DPP10: variants seen among roughly 807,000 people sequenced by gnomAD.
DPP10 encodes the protein dipeptidyl peptidase like 10.
DPP10 carries 33 observed loss-of-function variants against 120.9 expected under a neutral mutation model. The observed-to-expected ratio is 0.27, with a 90% CI of 0.21 to 0.37. The LOEUF is 0.37. Ranked by LOEUF, DPP10 falls within the 10% of genes least tolerant of loss-of-function variation. DPP10 has a pLI of 1.00. For missense variants in DPP10, 816 were observed against 942.8 expected, an observed-to-expected ratio of 0.87 and a Z score of 1.76; for synonymous variants, 337 against 326.1, an observed-to-expected ratio of 1.03 and a Z score of -0.36.
chr2:114,490,821 G>C (rs1203835453), intron 1 of DPP10, among the ~76,000 whole-genome samples: 3 of 152,132 alleles, frequency 2.0e-5, no homozygotes, highest in Non-Finnish European at 4.4e-5. Context: ...GAAAACTTGT[G>C]TGAGAAGGTG....
intron 7 of DPP10, among the ~76,000 whole-genome samples, chr2:115,726,793 C>G (rs762789345): frequency 2.0e-5 from 3 of 152,094 alleles, no homozygotes; most frequent in Non-Finnish European, 2.9e-5. Flanking sequence ...CCTAGGGCCT[C>G]GTAAGTATTC....
intron 1 of DPP10, among the ~76,000 whole-genome samples, chr2:115,113,940 G>T (rs185149581): frequency 1.3e-3 from 203 of 152,260 alleles, no homozygotes; most frequent in Non-Finnish European, 2.6e-3. Context: ...GAGTCTAGAA[G>T]CTGGGGGAAA....
At chr2:115,661,825 T>A (rs1575465869) in intron 5 of DPP10, among the ~76,000 whole-genome samples, 1 of 152,268 alleles carries the variant, frequency 6.6e-6, no homozygotes, top group Non-Finnish European at 1.5e-5. Context: ...CAATTAAGCT[T>A]ATTAACTTCT....
chr2:115,116,897 C>G (rs2049539293), intron 1 of DPP10, among the ~76,000 whole-genome samples: 1 of 152,150 alleles, frequency 6.6e-6, no homozygotes, highest in Non-Finnish European at 1.5e-5. Context: ...CCTTCATCTT[C>G]CATAAATTTT....
intron 5 of DPP10, among the ~76,000 whole-genome samples, chr2:115,677,617 G>A (rs11677796): frequency 0.65 from 98,572 of 152,006 alleles, 33,665 homozygotes; most frequent in East Asian, 0.91. Flanking sequence ...AAGTGAGCAG[G>A]AAAGCTATAT....
chr2:115,457,948 A>G (rs115316803), intron 3 of DPP10, among the ~76,000 whole-genome samples: 1,748 of 152,262 alleles, frequency 0.011, 29 homozygotes, highest in African/African-American at 0.039. Context: ...ATGTATATAT[A>G]TACAGTGGAA....
intron 1 of DPP10, among the ~76,000 whole-genome samples, chr2:114,657,190 A>T (rs185514302): frequency 3.6e-4 from 55 of 152,294 alleles, no homozygotes; most frequent in African/African-American, 1.3e-3. Flanking sequence ...TACCATAAAA[A>T]GTTTCTAAGA....
At chr2:115,034,242 C>A (rs921526804) in intron 1 of DPP10, among the ~76,000 whole-genome samples, 1 of 152,062 alleles carries the variant, frequency 6.6e-6, no homozygotes, top group Non-Finnish European at 1.5e-5. Flanking sequence ...CTTTTTACTC[C>A]TGATTTTCTT....
intron 1 of DPP10, among the ~76,000 whole-genome samples, chr2:114,813,695 G>A (rs1298127508): frequency 6.6e-6 from 1 of 151,182 alleles, no homozygotes; most frequent in Admixed American, 6.6e-5. Context: ...TTTGGCAGAA[G>A]CATTATGTCT....
At chr2:115,657,001 A>G (rs182996900) in intron 5 of DPP10, among the ~76,000 whole-genome samples, 58 of 151,788 alleles carry the variant, frequency 3.8e-4, no homozygotes, top group Middle Eastern at 3.4e-3. Context: ...GTAACATAGT[A>G]TCTATATTAA....
At chr2:114,866,730 C>A (rs961147120) in intron 1 of DPP10, among the ~76,000 whole-genome samples, 1 of 152,186 alleles carries the variant, frequency 6.6e-6, no homozygotes, top group Non-Finnish European at 1.5e-5. Flanking sequence ...TAAGTAGTCT[C>A]TTCAGTAAAT....
At chr2:115,229,645 G>A (rs1001889047) in intron 1 of DPP10, among the ~76,000 whole-genome samples, 4 of 151,744 alleles carry the variant, frequency 2.6e-5, no homozygotes, top group Non-Finnish European at 4.4e-5. Context: ...GACCTTTGTC[G>A]AAAATGAATT....
intron 5 of DPP10, among the ~76,000 whole-genome samples, chr2:115,619,357 G>A (rs1177161839): frequency 2.0e-5 from 3 of 151,872 alleles, no homozygotes; most frequent in Non-Finnish European, 4.4e-5. Context: ...TTACAGACGT[G>A]AGCCATCGTG....
intron 1 of DPP10, among the ~76,000 whole-genome samples, chr2:114,796,491 A>C (rs1223678214): frequency 1.3e-5 from 2 of 151,950 alleles, no homozygotes; most frequent in Non-Finnish European, 2.9e-5. Context: ...TATAACATAC[A>C]AAATATGTGT....
intron 3 of DPP10, among the ~76,000 whole-genome samples, chr2:115,492,157 A>C (rs1299893636): frequency 6.6e-6 from 1 of 152,170 alleles, no homozygotes; most frequent in African/African-American, 2.4e-5. Flanking sequence ...TGATCATTCT[A>C]CTGGATGGGG....
chr2:115,179,718 G>T (rs1015249213), intron 1 of DPP10, among the ~76,000 whole-genome samples: 2 of 152,130 alleles, frequency 1.3e-5, no homozygotes, highest in Non-Finnish European at 2.9e-5. Flanking sequence ...AGGAAGCTAA[G>T]AATTATTCTA....
chr2:115,521,432 C>A (rs577699967), intron 4 of DPP10, among the ~76,000 whole-genome samples: 1 of 152,220 alleles, frequency 6.6e-6, no homozygotes, highest in Non-Finnish European at 1.5e-5. Flanking sequence ...GGAGCGATAA[C>A]AATAATGTAT....
At chr2:114,463,699 A>G (rs183174799) in intron 1 of DPP10, among the ~76,000 whole-genome samples, 258 of 152,256 alleles carry the variant, frequency 1.7e-3, no homozygotes, top group Admixed American at 4.7e-3. Flanking sequence ...GTAAAGTTCT[A>G]TGAATTTTGA....
chr2:115,646,034 T>C (rs1391181760), intron 5 of DPP10, among the ~76,000 whole-genome samples: 1 of 152,140 alleles, frequency 6.6e-6, no homozygotes, highest in African/African-American at 2.4e-5. Flanking sequence ...CTGATACACA[T>C]ATATATTTCA....
Sources: gnomAD v4.1 joint callset for allele counts (sites outside exome capture counted in the v4.1 genomes callset) on GRCh38, gnomAD v4.1.1 for gene constraint, MANE v1.5 for transcripts, NCBI Gene and HGNC (gene_info 2026-07-23, HGNC 2026-07-21) for gene names.